The following ARHGAP26 variants were observed in gnomAD, a reference collection of about 807,000 sequenced individuals.
ARHGAP26 encodes Rho GTPase activating protein 26, also known as rho GTPase-activating protein 26.
A neutral mutation model predicts 104.8 loss-of-function variants in ARHGAP26; 38 were observed. The observed-to-expected ratio is 0.36, with a 90% CI of 0.28 to 0.48. ARHGAP26 has a LOEUF of 0.48. Ranked by LOEUF, ARHGAP26 falls within the 20% of genes least tolerant of loss-of-function variation. ARHGAP26 has a pLI of 0.99. For missense variants in ARHGAP26, 704 were observed against 947.9 expected, an observed-to-expected ratio of 0.74 and a Z score of 3.38; for synonymous variants, 341 against 340.0, an observed-to-expected ratio of 1.00 and a Z score of -0.03.
At chr5:142,802,823 T>C (rs1297014841) in intron 1 of ARHGAP26, among the ~76,000 whole-genome samples, 2 of 152,324 alleles carry the variant, frequency 1.3e-5, no homozygotes, top group East Asian at 3.9e-4. Flanking sequence ...TATTTGTTTG[T>C]TTAAATTAGG....
chr5:143,165,660 A>G (rs946369519), intron 20 of ARHGAP26, among the ~76,000 whole-genome samples: 4 of 152,192 alleles, frequency 2.6e-5, no homozygotes, highest in African/African-American at 9.7e-5. Context: ...TAATGTACCC[A>G]TCACCCAATA....
At chr5:143,131,715 A>G (rs1222078742) in intron 18 of ARHGAP26, among the ~76,000 whole-genome samples, 1 of 152,208 alleles carries the variant, frequency 6.6e-6, no homozygotes, top group African/African-American at 2.4e-5. Context: ...TAAGATAGTC[A>G]TCCAACTTGC....
rs867313779 is a variant in ARHGAP26, at chr5:142,871,888, C to T, written c.155-1512C>T. Among the ~76,000 whole-genome samples, 56 of 152,198 alleles carry T rather than the reference C, an allele frequency of 3.7e-4. No homozygotes were observed. Among genetic ancestry groups the T allele is most frequent in the African/African-American group, 1.4e-3 (56 of 41,454 alleles). ...CTGTTGGCTCCTGTGTTCCCCTTCT[C>T]CACCCCAAGTGCCTTCTTTTGGTGT... On this transcript the variant is annotated intron_variant, in intron 1 of 22. Coordinates refer to ENST00000645722, the MANE Select transcript of ARHGAP26 (RefSeq NM_001135608.3). The surrounding 1 kb of genome is among the most constrained non-coding windows in gnomAD (Gnocchi z 4.1).
At chr5:143,045,685 G>A (rs957952182) in intron 14 of ARHGAP26, among the ~76,000 whole-genome samples, 66 of 152,230 alleles carry the variant, frequency 4.3e-4, no homozygotes, top group African/African-American at 1.5e-3. Flanking sequence ...CAAAAGTGGA[G>A]TAGTATGTTT....
chr5:142,771,340 C>G (rs1164924449), intron 1 of ARHGAP26: 3 of 1,232,212 alleles, frequency 2.4e-6, no homozygotes, highest in Admixed American at 8.4e-5. Flanking sequence ...ATGGAGCGTG[C>G]CCTGCCGAGG....
chr5:142,936,235 C>T (rs955135987), intron 11 of ARHGAP26, among the ~76,000 whole-genome samples: 7 of 151,556 alleles, frequency 4.6e-5, no homozygotes, highest in African/African-American at 1.7e-4. Flanking sequence ...TGTAGATTAG[C>T]CATAATCATA....
In ARHGAP26 at chr5:142,861,135, C is replaced by T. The variant is rs567208318; in HGVS notation, c.155-12265C>T. Among the ~76,000 whole-genome samples the T allele has an allele frequency of 3.5e-4, 53 of 152,184 alleles. No homozygotes were observed. The South Asian group carries it at 6.2e-3, about 18-fold the overall frequency. ...ACTGGAATCCAGGCTGGAGAGGAGA[C>T]GGTGCAGAGTGGGGAGGCGGGGAGC... On this transcript the variant is annotated intron_variant, in intron 1 of 22. Transcript: ENST00000645722.
chr5:142,957,660 A>G (rs1769477635), intron 11 of ARHGAP26, among the ~76,000 whole-genome samples: 2 of 152,210 alleles, frequency 1.3e-5, no homozygotes, highest in South Asian at 4.1e-4. Context: ...ATTCTCTGCT[A>G]CCGTGTGCCA....
At chr5:143,066,634 G>A (rs1460521897) in intron 17 of ARHGAP26, among the ~76,000 whole-genome samples, 2 of 152,234 alleles carry the variant, frequency 1.3e-5, no homozygotes, top group African/African-American at 4.8e-5. Flanking sequence ...TTGCTGACTA[G>A]ATGGGGCTTT....
chr5:142,898,134 T>G (rs541395160), intron 6 of ARHGAP26, among the ~76,000 whole-genome samples: 5 of 151,670 alleles, frequency 3.3e-5, no homozygotes, highest in African/African-American at 1.2e-4. Context: ...AATCAGATCT[T>G]TTGGGATATA....
intron 13 of ARHGAP26, among the ~76,000 whole-genome samples, chr5:143,039,003 C>T (rs1040802599): frequency 5.3e-5 from 8 of 151,936 alleles, no homozygotes; most frequent in African/African-American, 1.9e-4. Context: ...ATTTATAATA[C>T]GTGAAAAATG....
At chr5:142,928,237 T>G (rs1219687550) in intron 10 of ARHGAP26, among the ~76,000 whole-genome samples, 2 of 122,784 alleles carry the variant, frequency 1.6e-5, no homozygotes, top group Admixed American at 7.9e-5. Context: ...GTGTGTTTTT[T>G]TTTTTTTTTT....
chr5:142,804,036 T>G (rs1762530650), intron 1 of ARHGAP26, among the ~76,000 whole-genome samples: 1 of 152,202 alleles, frequency 6.6e-6, no homozygotes, highest in South Asian at 2.1e-4. Flanking sequence ...ATTCCCATTT[T>G]CCACATGAGG....
intron 11 of ARHGAP26, among the ~76,000 whole-genome samples, chr5:142,993,293 C>T (rs1334314978): frequency 5.3e-5 from 8 of 151,886 alleles, no homozygotes; most frequent in Non-Finnish European, 2.9e-5. Flanking sequence ...CCTCAGCCTC[C>T]CGAGTAGCTG....
chr5:143,058,811 TCAAGAAGC>T (rs1450315613), intron 17 of ARHGAP26, among the ~76,000 whole-genome samples: 1 of 152,240 alleles, frequency 6.6e-6, no homozygotes, highest in Non-Finnish European at 1.5e-5. Flanking sequence ...CTCATTTCCA[TCAAGAAGC>T]CAAGAGTGTC....
At chr5:142,919,194 A>G (rs188021390) in intron 10 of ARHGAP26, 5 of 398,570 alleles carry the variant, frequency 1.3e-5, no homozygotes, top group South Asian at 1.3e-4. Flanking sequence ...CGATATTACC[A>G]TTGTCCTTGT....
rs10463357 is a variant in ARHGAP26 at position 143,073,333 on chromosome 5, T to G, written c.1538+15586T>G. Among the ~76,000 whole-genome samples the G allele has an allele frequency of 0.026, 4,021 of 152,330 alleles. 769 individuals are homozygous for G. The East Asian group carries it at 0.52, about 20-fold the overall frequency. On this transcript the variant is annotated intron_variant, in intron 17 of 22. Transcript: ENST00000645722. ...TTGTATCCCTGTGTTCTTTGGGATT[T>G]GACAGCTTGTTGAAAACTATACTCT...
intron 1 of ARHGAP26, chr5:142,772,600 T>C (rs754198944): frequency 9.9e-6 from 4 of 402,994 alleles, no homozygotes; most frequent in South Asian, 3.8e-5. Context: ...TCACATATAA[T>C]TATCTCATGT....
At chr5:142,826,280 A>G (rs1408421082) in intron 1 of ARHGAP26, among the ~76,000 whole-genome samples, 1 of 152,194 alleles carries the variant, frequency 6.6e-6, no homozygotes, top group East Asian at 1.9e-4. Context: ...GATTGTCCAT[A>G]CACTTGTCAT....
Sources: allele counts gnomAD v4.1 joint callset (sites outside exome capture counted in the v4.1 genomes callset), GRCh38; gene constraint gnomAD v4.1.1; non-coding constraint Gnocchi (gnomAD v3.1); transcripts MANE v1.5; gene names NCBI Gene and HGNC (gene_info 2026-07-23, HGNC 2026-07-21).